SELENOT: variants seen among roughly 807,000 people sequenced by gnomAD.
The protein encoded by SELENOT is thioredoxin reductase-like selenoprotein T.
Under a neutral mutation model 24.3 loss-of-function variants are expected in SELENOT, and 9 were observed. That is an observed-to-expected ratio of 0.37 (90% CI 0.22 to 0.65). The LOEUF (loss-of-function observed/expected upper bound fraction) is 0.65, where lower values mean the gene tolerates loss of function less well. SELENOT is among the 30% of genes least tolerant of loss of function. The probability of loss-of-function intolerance (pLI) is 0.60; values close to 1 mark genes in which losing one functional copy is unlikely to be tolerated. For missense variants in SELENOT, 166 were observed against 247.6 expected (o/e 0.67, Z 2.21); for synonymous variants, 81 against 86.0 (o/e 0.94, Z 0.32).
chr3:150,605,387 C>G (rs910425108), intron 1 of SELENOT, among the ~76,000 whole-genome samples: 4 of 151,986 alleles, frequency 2.6e-5, no homozygotes, highest in Non-Finnish European at 5.9e-5. Flanking sequence ...CTATTCATAG[C>G]AAGGTTTTCA....
rs1158846478 is a variant in SELENOT at position 150,611,817 on chromosome 3, GGCGACCACA to G, written c.137+8322_137+8330del. 1.0e-5 allele frequency: 10 copies of G among 965,694 alleles called. No individual in the cohort carries two copies. In the East Asian group the frequency reaches 2.6e-4, roughly 25 times the overall value. 59.8% of individuals were successfully genotyped at this position (965,694 alleles called of 1,614,324 possible). On this transcript the variant is annotated intron_variant, in intron 1 of 5. Coordinates refer to ENST00000471696, the MANE Select transcript of SELENOT (RefSeq NM_016275.5). The stretch of plus-strand genomic sequence containing the variant: ...GCCCCGATTTCCCGGACGAGGCACT[GGCGACCACA>G]GCGGCCACTGCGGCTGCCGCCTCCC...
intron 3 of SELENOT, among the ~76,000 whole-genome samples, chr3:150,624,458 C>T (rs1726399741): frequency 6.6e-6 from 1 of 152,142 alleles, no homozygotes; most frequent in Non-Finnish European, 1.5e-5. Flanking sequence ...TTGTTTGAAA[C>T]ATATACAGGT....
At chr3:150,608,574 C>T (rs1224200711) in intron 1 of SELENOT, among the ~76,000 whole-genome samples, 1 of 151,920 alleles carries the variant, frequency 6.6e-6, no homozygotes, top group African/African-American at 2.4e-5. Context: ...TCAAGACCAG[C>T]CTGGGCAACA....
chr3:150,626,930 A>T, intron 4 of SELENOT, 80 bp from the exon 5 acceptor site: 1 of 1,425,026 alleles, frequency 7.0e-7, no homozygotes, highest in South Asian at 1.3e-5. Context: ...GTGTACATAG[A>T]TGATAAATAT....
intron 1 of SELENOT, among the ~76,000 whole-genome samples, chr3:150,619,507 G>A (rs1010725583): frequency 3.3e-5 from 5 of 152,266 alleles, no homozygotes; most frequent in African/African-American, 1.2e-4. Flanking sequence ...CTGCACGCTA[G>A]CCTGGGCAAC....
At chr3:150,606,498 T>C (rs750978546) in intron 1 of SELENOT, among the ~76,000 whole-genome samples, 2 of 152,170 alleles carry the variant, frequency 1.3e-5, no homozygotes, top group Non-Finnish European at 2.9e-5. Context: ...ATTAGATACT[T>C]TTGATTATAT....
chr3:150,621,196 A>G (rs1319731932), intron 1 of SELENOT, among the ~76,000 whole-genome samples: 1 of 152,162 alleles, frequency 6.6e-6, no homozygotes, highest in African/African-American at 2.4e-5. Flanking sequence ...TGTAAGGGAC[A>G]TTCATTCTAA....
In SELENOT at chr3:150,603,414, G is replaced by A; in HGVS notation, c.52G>A (p.Glu18Lys). Residue 18 changes from glutamate to lysine, a missense_variant, in exon 1 of 6, where the codon GAG becomes AAG. Transcript: ENST00000471696. ...LVAASAMVRS[E>K]ASANLGGVPS... ...GGCGGCGTCTGCGATGGTCCGGAGC[G>A]AGGCCTCGGCCAATCTGGGCGGCGT... is the stretch of plus-strand genomic sequence containing the variant. 6.2e-7 allele frequency: 1 copy of A among 1,613,424 alleles called. No individual in the cohort carries two copies. Among genetic ancestry groups the A allele is most frequent in the Non-Finnish European group, 8.5e-7 (1 of 1,179,544 alleles).
In SELENOT at chr3:150,629,373, A is replaced by G. The variant is rs189703149; in HGVS notation, c.*1744A>G. On this transcript the variant is annotated 3_prime_UTR_variant, in exon 6 of 6. Coordinates refer to ENST00000471696, the MANE Select transcript of SELENOT (RefSeq NM_016275.5). ...TTAGAAATTGTTATTTAGGTATAAT[A>G]TCATCTTGTCTTTGACTAGAGCTTG... 17 of 152,760 alleles carry G rather than the reference A, an allele frequency of 1.1e-4. No individual in the cohort carries two copies. In the East Asian group the frequency reaches 3.1e-3, roughly 28 times the overall value. The allele number at this position is 152,760 out of a possible 1,614,324, so 9.5% of individuals were successfully genotyped here.
chr3:150,612,248 G>A (rs1006245670), intron 1 of SELENOT, among the ~76,000 whole-genome samples: 3 of 151,924 alleles, frequency 2.0e-5, no homozygotes, highest in Admixed American at 2.0e-4. Flanking sequence ...GCCCGCCACC[G>A]CACCCAGCTA....
intron 1 of SELENOT, among the ~76,000 whole-genome samples, chr3:150,621,902 T>C (rs1051820202): frequency 6.6e-6 from 1 of 152,052 alleles, no homozygotes; most frequent in Non-Finnish European, 1.5e-5. Context: ...TTGATTTTTT[T>C]TGTTTGTTTG....
chr3:150,613,307 A>G (rs184603228), intron 1 of SELENOT, among the ~76,000 whole-genome samples: 9 of 152,304 alleles, frequency 5.9e-5, no homozygotes, highest in African/African-American at 1.9e-4. Flanking sequence ...CTGCCTCCCA[A>G]CAGTGTTGCA....
At chr3:150,611,869 G>T in intron 1 of SELENOT, 2 of 998,042 alleles carry the variant, frequency 2.0e-6, no homozygotes, top group East Asian at 5.1e-5. Flanking sequence ...CAGGCGTGAA[G>T]CCGTTCATGT....
chr3:150,610,022 A>G (rs1351989174), intron 1 of SELENOT, among the ~76,000 whole-genome samples: 1 of 152,204 alleles, frequency 6.6e-6, no homozygotes, highest in Non-Finnish European at 1.5e-5. Flanking sequence ...CATTAGTTTA[A>G]TGTTTTAAAA....
intron 1 of SELENOT, among the ~76,000 whole-genome samples, chr3:150,620,630 T>C (rs1287855685): frequency 6.6e-6 from 1 of 152,218 alleles, no homozygotes; most frequent in Non-Finnish European, 1.5e-5. Flanking sequence ...GTTTCATTTT[T>C]CCCCCGTTCA....
At chr3:150,619,146 G>C (rs1030760917) in intron 1 of SELENOT, among the ~76,000 whole-genome samples, 3 of 151,676 alleles carry the variant, frequency 2.0e-5, no homozygotes, top group Non-Finnish European at 2.9e-5. Context: ...GCGTGAACCC[G>C]GGAGGCGGAG....
At chr3:150,615,544 A>G (rs1190712212) in intron 1 of SELENOT, among the ~76,000 whole-genome samples, 2 of 152,170 alleles carry the variant, frequency 1.3e-5, no homozygotes, top group African/African-American at 2.4e-5. Context: ...CAGATTTCCT[A>G]TACACCAACA....
intron 1 of SELENOT, among the ~76,000 whole-genome samples, chr3:150,618,240 G>A (rs1321696461): frequency 6.6e-6 from 1 of 152,186 alleles, no homozygotes; most frequent in Non-Finnish European, 1.5e-5. Context: ...TGGAACATCA[G>A]CTATGACAAG....
chr3:150,606,082 G>A (rs1725955268), intron 1 of SELENOT, among the ~76,000 whole-genome samples: 1 of 150,870 alleles, frequency 6.6e-6, no homozygotes, highest in African/African-American at 2.4e-5. Flanking sequence ...AGTGCTGAGA[G>A]ATCAAGCTTG....
Sources: allele counts gnomAD v4.1 joint callset (sites outside exome capture counted in the v4.1 genomes callset), GRCh38; gene constraint gnomAD v4.1.1; transcripts MANE v1.5; gene names NCBI Gene and HGNC (gene_info 2026-07-23, HGNC 2026-07-21).